The following CDKL4 variants were observed in gnomAD, a reference collection of about 807,000 sequenced individuals.
The protein encoded by CDKL4 is cyclin-dependent kinase-like 4.
CDKL4 carries 44 observed loss-of-function variants against 42.0 expected under a neutral mutation model. That is an observed-to-expected ratio of 1.05 (90% confidence interval 0.82 to 1.35). The LOEUF is 1.35. Among genes scored for constraint, CDKL4 ranks in the 40% most tolerant of loss-of-function variants. The probability of loss-of-function intolerance (pLI) is 0.00; values close to 1 mark genes in which losing one functional copy is unlikely to be tolerated. For synonymous variants in CDKL4, 120 were observed against 121.6 expected (o/e 0.99, Z 0.09); for missense variants, 393 against 369.9 (o/e 1.06, Z -0.51).
At chr2:39,242,747 A>G (rs1052750933) in intron 1 of CDKL4, among the ~76,000 whole-genome samples, 1 of 152,210 alleles carries the variant, frequency 6.6e-6, no homozygotes. Context: ...GAAGAGTGAA[A>G]AAACACATTT....
chr2:39,198,298 A>G (rs115989981), intron 5 of CDKL4, among the ~76,000 whole-genome samples: 1 of 152,030 alleles, frequency 6.6e-6, no homozygotes, highest in Non-Finnish European at 1.5e-5. Context: ...AAATATCACA[A>G]TCCTAAATAT....
chr2:39,215,530 T>TA (rs1677865413), intron 3 of CDKL4, among the ~76,000 whole-genome samples: 2 of 152,192 alleles, frequency 1.3e-5, no homozygotes, highest in South Asian at 2.1e-4. Flanking sequence ...TTTCTTAATT[T>TA]AAAAAAATTA....
chr2:39,187,343 GC>G (rs1200823467), intron 7 of CDKL4, among the ~76,000 whole-genome samples: 1 of 152,046 alleles, frequency 6.6e-6, no homozygotes, highest in Non-Finnish European at 1.5e-5. Flanking sequence ...AATACACTGT[GC>G]TAATATGTCA....
intron 2 of CDKL4, among the ~76,000 whole-genome samples, chr2:39,227,740 A>G (rs997806527): frequency 6.6e-6 from 1 of 152,222 alleles, no homozygotes; most frequent in African/African-American, 2.4e-5. Context: ...CTACTAGGGG[A>G]GTAAAAGATT....
intron 4 of CDKL4, among the ~76,000 whole-genome samples, chr2:39,206,973 A>G (rs1306989248): frequency 6.6e-6 from 1 of 152,236 alleles, no homozygotes; most frequent in Non-Finnish European, 1.5e-5. Flanking sequence ...CACTGGTAAC[A>G]GGAGCTTGTT....
chr2:39,212,379 A>G (rs1331049958), intron 4 of CDKL4, among the ~76,000 whole-genome samples: 1 of 150,956 alleles, frequency 6.6e-6, no homozygotes, highest in East Asian at 2.0e-4. Context: ...GACTACAAGC[A>G]CCCGCCACCA....
intron 3 of CDKL4, among the ~76,000 whole-genome samples, chr2:39,221,012 TGTTTTGTTTTTG>T (rs1678319988): frequency 4.6e-5 from 3 of 65,476 alleles, no homozygotes; most frequent in East Asian, 1.1e-3. Context: ...TTTTTTTTTT[TGTTTTGTTTTTG>T]TTTTTTGAGA....
At chr2:39,187,500 T>G in intron 7 of CDKL4, 127 bp downstream of exon 7, 3 of 632,514 alleles carry the variant, frequency 4.7e-6, no homozygotes, top group Non-Finnish European at 7.9e-6. Context: ...AGCCATGACC[T>G]TGCCACTGCA....
intron 5 of CDKL4, among the ~76,000 whole-genome samples, chr2:39,192,762 A>G (rs958262731): frequency 2.6e-5 from 4 of 152,016 alleles, no homozygotes; most frequent in African/African-American, 7.3e-5. Flanking sequence ...AAATTTTCCA[A>G]TATTTTGTCA....
chr2:39,181,958 A>G (rs1276565219), intron 8 of CDKL4, among the ~76,000 whole-genome samples: 3 of 152,092 alleles, frequency 2.0e-5, no homozygotes, highest in Non-Finnish European at 4.4e-5. Flanking sequence ...CCTTTCAAAT[A>G]TATCTTGAAT....
At chr2:39,226,456 T>TTATATATATA (rs1553393161) in intron 2 of CDKL4, among the ~76,000 whole-genome samples, 2 of 137,440 alleles carry the variant, frequency 1.5e-5, no homozygotes, top group Admixed American at 7.3e-5. Flanking sequence ...TATATATATA[T>TTATATATATA]TATATATATT....
At chr2:39,243,871 T>G (rs1679789937) in exon 1 of CDKL4, among the ~76,000 whole-genome samples, 1 of 152,252 alleles carries the variant, frequency 6.6e-6, no homozygotes, top group Non-Finnish European at 1.5e-5. Flanking sequence ...CCGCACTTAC[T>G]GCACCCACAG....
At chr2:39,201,784 T>C (rs543143008) in intron 5 of CDKL4, among the ~76,000 whole-genome samples, 1 of 152,262 alleles carries the variant, frequency 6.6e-6, no homozygotes, top group Admixed American at 6.5e-5. Context: ...AGCTAAGCTA[T>C]GAGGACACAA....
At chr2:39,225,728 T>C (rs1678667499) in intron 3 of CDKL4, 111 bp downstream of exon 3, 1 of 1,055,844 alleles carries the variant, frequency 9.5e-7, no homozygotes, top group Non-Finnish European at 1.3e-6. Flanking sequence ...GCCAGATGCA[T>C]TGTGGTAGAA....
chr2:39,222,962 T>C (rs1678470086), intron 3 of CDKL4, among the ~76,000 whole-genome samples: 1 of 152,188 alleles, frequency 6.6e-6, no homozygotes, highest in African/African-American at 2.4e-5. Context: ...ATTGTTTTTA[T>C]ATTAATTTTT....
At position 39,213,486 on chromosome 2, in the gene CDKL4, T is replaced by TA. The variant is rs770885213; in HGVS notation, c.291-15dup. Reference sequence around the variant, plus strand: ...CCATCAGCAACTCTGAGGGAAAAAATAAAAAAGGAAATGAAAACTCATAGG... The same window carrying TA: ...CCATCAGCAACTCTGAGGGAAAAAATAAAAAAAGGAAATGAAAACTCATAGG... On this transcript the variant is annotated splice_polypyrimidine_tract_variant and intron_variant, in intron 3 of 9. Coordinates refer to ENST00000451199, the Ensembl canonical transcript of CDKL4. 3 of 1,591,968 alleles carry TA rather than the reference T, an allele frequency of 1.9e-6. No individual in the cohort carries two copies. The highest frequency in any genetic ancestry group is 2.6e-6 in the Non-Finnish European group (3 of 1,161,428).
chr2:39,214,834 G>A (rs1388202551), intron 3 of CDKL4, among the ~76,000 whole-genome samples: 1 of 152,172 alleles, frequency 6.6e-6, no homozygotes, highest in African/African-American at 2.4e-5. Context: ...TAAGCTTCTT[G>A]TCCCTGGCAG....
chr2:39,169,338 T>C, the CDKL4 span, among the ~76,000 whole-genome samples: 5 of 152,196 alleles, frequency 3.3e-5, no homozygotes, highest in African/African-American at 1.2e-4. Context: ...CTGTGTTAGA[T>C]GGTTGCCTGT....
chr2:39,237,231 G>A (rs1023729919), intron 1 of CDKL4, among the ~76,000 whole-genome samples: 1 of 152,140 alleles, frequency 6.6e-6, no homozygotes, highest in African/African-American at 2.4e-5. Flanking sequence ...CTTATCTCAG[G>A]AATGCAAAGT....
Sources: gnomAD v4.1 joint callset for allele counts (sites outside exome capture counted in the v4.1 genomes callset) on GRCh38, gnomAD v4.1.1 for gene constraint, MANE v1.5 for transcripts, NCBI Gene and HGNC (gene_info 2026-07-23, HGNC 2026-07-21) for gene names.